Variants in ADGRG2 observed in about 807,000 individuals in gnomAD.
ADGRG2 encodes the protein G protein-coupled receptor 64.
In ADGRG2, 26 loss-of-function variants were observed where a neutral mutation model predicts 74.1. The ratio of observed to expected loss-of-function variants is 0.35; its 90% CI spans 0.26 to 0.49. The LOEUF (loss-of-function observed/expected upper bound fraction) is 0.49. Among genes scored for constraint, ADGRG2 ranks in the 20% least tolerant of loss-of-function variants. The pLI is 0.99. For missense variants in ADGRG2, 619 were observed against 763.1 expected, an observed-to-expected ratio of 0.81 and a Z score of 2.22; for synonymous variants, 296 against 295.2, an observed-to-expected ratio of 1.00 and a Z score of -0.03.
chrX:19,117,188 G>A (rs770623514), intron 1 of ADGRG2, among the ~76,000 whole-genome samples: 62 of 109,345 alleles, frequency 5.7e-4, no homozygotes, highest in South Asian at 3.2e-3. Context: ...TCAGCTACTC[G>A]GGAGGCTGAG....
At position 19,013,780 on chromosome X, in the gene ADGRG2, G is replaced by A. The variant is rs1467011232; in HGVS notation, c.1005C>T (p.Ser335=). 5.0e-6 allele frequency: 6 copies of A among 1,197,953 alleles called. No individual in the cohort carries two copies. The highest frequency in any genetic ancestry group is 6.7e-6 in the Non-Finnish European group (6 of 889,098). Reference sequence around the variant, plus strand: ...AGGCTTTCACAGGAGGTGGGGTGCCGGAGACATGGGTTTGGGGCATAGGGG... The same window carrying A: ...AGGCTTTCACAGGAGGTGGGGTGCCAGAGACATGGGTTTGGGGCATAGGGG... The part of the protein sequence containing the change: ...ISSPMPQTHV[S]GTPPPVKASF... The change falls in exon 16 of 29, where the codon TCC becomes TCT. Residue 335 remains serine (S), a synonymous_variant. Coordinates refer to ENST00000379869, the MANE Select transcript of ADGRG2 (RefSeq NM_001079858.3).
At chrX:19,054,853 TCA>T (rs772373122) in intron 3 of ADGRG2, among the ~76,000 whole-genome samples, 1 of 111,733 alleles carries the variant, frequency 8.9e-6, no homozygotes, top group Non-Finnish European at 1.9e-5. Flanking sequence ...TTGGCAATGA[TCA>T]GTTGCCTCAT....
chrX:19,087,309 C>G (rs915037421), intron 1 of ADGRG2, among the ~76,000 whole-genome samples: 6 of 112,842 alleles, frequency 5.3e-5, no homozygotes, highest in African/African-American at 1.6e-4. Context: ...CTGCTCTGTA[C>G]GGTTGTGCAG....
In ADGRG2 at chrX:19,019,687, G is replaced by T. The variant is rs371423007; in HGVS notation, c.644-22C>A. 3.0e-6 allele frequency: 3 copies of T among 1,009,191 alleles called. No individual in the cohort carries two copies. In the African/African-American group the frequency reaches 5.7e-5, roughly 19 times the overall value. 83.2% of individuals were successfully genotyped at this position (1,009,191 alleles called of 1,213,427 possible). A position where few individuals can be genotyped will look rare whatever the true frequency, so the allele number is the denominator to read the frequency against. ...TGTTCTAGGAGAGACAAAAGGAAAA[G>T]GAGTAAGAAAAATGCACGGTCAAGA... On this transcript the variant is annotated intron_variant, in intron 14 of 28. Transcript: ENST00000379869.
intron 23 of ADGRG2, among the ~76,000 whole-genome samples, chrX:19,003,871 A>AGAG (rs966325250): frequency 8.9e-6 from 1 of 112,309 alleles, no homozygotes; most frequent in African/African-American, 3.2e-5. Context: ...CATGGAAAGA[A>AGAG]GAGTTTAAAC....
chrX:18,999,991 A>ATTT (rs754958892), intron 24 of ADGRG2, 31 bp from the exon 25 acceptor site: 444 of 564,589 alleles, frequency 7.9e-4, no homozygotes, highest in African/African-American at 1.6e-3. Context: ...GTCACACCTA[A>ATTT]TTTTTTTTTT....
At chrX:19,041,014 A>G (rs1388806369) in intron 3 of ADGRG2, among the ~76,000 whole-genome samples, 1 of 111,086 alleles carries the variant, frequency 9.0e-6, no homozygotes, top group Middle Eastern at 4.3e-3. Flanking sequence ...ATACAGATAC[A>G]TGCATATATG....
intron 1 of ADGRG2, among the ~76,000 whole-genome samples, chrX:19,102,067 T>C (rs2062196784): frequency 9.1e-6 from 1 of 109,843 alleles, no homozygotes; most frequent in African/African-American, 3.3e-5. Context: ...GGGAGGAAGA[T>C]GAAGTATTGC....
intron 1 of ADGRG2, among the ~76,000 whole-genome samples, chrX:19,097,247 T>C (rs183324147): frequency 4.5e-4 from 51 of 112,974 alleles, no homozygotes; most frequent in African/African-American, 1.3e-3. Flanking sequence ...CGTTGTGGCT[T>C]ACGCCTGTAA....
chrX:19,119,730 T>C (rs1171439647), intron 1 of ADGRG2, among the ~76,000 whole-genome samples: 1 of 111,565 alleles, frequency 9.0e-6, no homozygotes, highest in Non-Finnish European at 1.9e-5. Flanking sequence ...CCCACAATGA[T>C]CACATCAGCC....
chrX:19,053,573 C>A (rs2061361466), intron 3 of ADGRG2, among the ~76,000 whole-genome samples: 1 of 111,874 alleles, frequency 8.9e-6, no homozygotes, highest in African/African-American at 3.3e-5. Context: ...TGACCACTTA[C>A]TTAACCCATC....
chrX:19,117,347 G>A (rs182618247), intron 1 of ADGRG2, among the ~76,000 whole-genome samples: 4 of 110,040 alleles, frequency 3.6e-5, no homozygotes, highest in Non-Finnish European at 7.6e-5. Context: ...AATATAAAAT[G>A]TACTTATTGT....
chrX:19,065,199 G>C (rs2061546127), intron 3 of ADGRG2, among the ~76,000 whole-genome samples: 1 of 101,333 alleles, frequency 9.9e-6, no homozygotes, highest in African/African-American at 3.7e-5. Flanking sequence ...GAGCCCGGGA[G>C]GTTGAGACTG....
chrX:19,050,447 G>C (rs989790071), intron 3 of ADGRG2, among the ~76,000 whole-genome samples: 11 of 111,993 alleles, frequency 9.8e-5, no homozygotes, highest in African/African-American at 3.6e-4. Context: ...TGGTCTCATA[G>C]ATGGCTCAAA....
At chrX:19,046,249 C>A (rs1299359929) in intron 3 of ADGRG2, among the ~76,000 whole-genome samples, 1 of 112,316 alleles carries the variant, frequency 8.9e-6, no homozygotes, top group Non-Finnish European at 1.9e-5. Context: ...CCTTGTTTTA[C>A]AAAATTGTAA....
At chrX:19,079,408 G>A (rs2061805948) in intron 2 of ADGRG2, among the ~76,000 whole-genome samples, 1 of 112,252 alleles carries the variant, frequency 8.9e-6, no homozygotes, top group Non-Finnish European at 1.9e-5. Context: ...TGTAAATTGA[G>A]GTAGTTTGAA....
At chrX:19,006,309 A>T (rs763200293) in intron 20 of ADGRG2, 44 bp from the exon 21 acceptor site, 4 of 161,844 alleles carry the variant, frequency 2.5e-5, no homozygotes, top group Non-Finnish European at 4.1e-5. Context: ...TTACTGAACT[A>T]AAAAAAAAAA....
At chrX:19,106,988 C>T (rs1405812980) in intron 1 of ADGRG2, among the ~76,000 whole-genome samples, 1 of 110,502 alleles carries the variant, frequency 9.0e-6, no homozygotes, top group Non-Finnish European at 1.9e-5. Flanking sequence ...CTGGTTCTGC[C>T]GGCAGTGCTG....
intron 1 of ADGRG2, among the ~76,000 whole-genome samples, chrX:19,119,126 C>T (rs1004780195): frequency 8.1e-5 from 9 of 111,724 alleles, no homozygotes; most frequent in African/African-American, 2.9e-4. Flanking sequence ...GGTTACATGA[C>T]TATATACATT....
Sources: allele counts gnomAD v4.1 joint callset (sites outside exome capture counted in the v4.1 genomes callset), GRCh38; gene constraint gnomAD v4.1.1; transcripts MANE v1.5; gene names NCBI Gene and HGNC (gene_info 2026-07-23, HGNC 2026-07-21).